Variants in SESTD1 observed in about 807,000 individuals in gnomAD.
SESTD1 encodes SEC14 domain and spectrin repeat-containing protein 1.
Under a neutral mutation model 101.7 loss-of-function variants are expected in SESTD1, and 43 were observed. The observed-to-expected ratio is 0.42, with a 90% CI of 0.33 to 0.55. SESTD1 has a LOEUF of 0.55. Ranked by LOEUF, SESTD1 falls within the 20% of genes least tolerant of loss-of-function variation. SESTD1 has a pLI of 0.07. For synonymous variants in SESTD1, 283 were observed against 286.8 expected (o/e 0.99, Z 0.13); for missense variants, 647 against 815.1 (o/e 0.79, Z 2.51).
chr2:179,229,583 G>C (rs2046947174), intron 1 of SESTD1, among the ~76,000 whole-genome samples: 1 of 151,532 alleles, frequency 6.6e-6, no homozygotes, highest in Non-Finnish European at 1.5e-5. Flanking sequence ...CCATCCTTTT[G>C]TTTCTATTTC....
chr2:179,246,254 C>CAAAAAAAA (rs60185738), intron 1 of SESTD1, among the ~76,000 whole-genome samples: 3 of 73,694 alleles, frequency 4.1e-5, no homozygotes, highest in Admixed American at 1.9e-4. Flanking sequence ...GACTCCATCT[C>CAAAAAAAA]AAAAAAAAAA....
chr2:179,230,034 T>G (rs1471816608), intron 1 of SESTD1, among the ~76,000 whole-genome samples: 1 of 144,856 alleles, frequency 6.9e-6, no homozygotes, highest in African/African-American at 2.5e-5. Flanking sequence ...TTAGGACAAT[T>G]AAGCTAATGA....
At chr2:179,209,893 C>CA (rs1559144805) in intron 1 of SESTD1, among the ~76,000 whole-genome samples, 2 of 130,360 alleles carry the variant, frequency 1.5e-5, no homozygotes, top group East Asian at 2.0e-4. Context: ...GAAACAACAA[C>CA]AAAAAAAGAT....
At chr2:179,122,228 T>G (rs575681950) in intron 12 of SESTD1, among the ~76,000 whole-genome samples, 182 of 152,332 alleles carry the variant, frequency 1.2e-3, no homozygotes, top group African/African-American at 4.3e-3. Flanking sequence ...AAGAAAAATA[T>G]GAAAATTCCT....
chr2:179,123,707 C>G lies in SESTD1; in HGVS notation c.1282+8G>C. 1.3e-6 allele frequency: 2 copies of G among 1,573,112 alleles called. No individual in the cohort carries two copies. The highest frequency in any genetic ancestry group is 1.7e-6 in the Non-Finnish European group (2 of 1,152,000). On this transcript the variant is annotated splice_region_variant and intron_variant, in intron 12 of 17. Coordinates refer to ENST00000428443, the MANE Select transcript of SESTD1 (RefSeq NM_178123.5). ...CCTTATGTTTCAGCATTTTTAAAAT[C>G]TGCTTACCAACACTTTTCAGCTTCT...
chr2:179,164,027 A>G (rs2045790302), intron 5 of SESTD1, among the ~76,000 whole-genome samples: 1 of 152,170 alleles, frequency 6.6e-6, no homozygotes, highest in African/African-American at 2.4e-5. Flanking sequence ...ACTATTGCTA[A>G]GAATGTGCGT....
chr2:179,182,699 C>T (rs2105485979), intron 3 of SESTD1, among the ~76,000 whole-genome samples: 1 of 152,196 alleles, frequency 6.6e-6, no homozygotes, highest in East Asian at 1.9e-4. Context: ...TAATAGACTT[C>T]ACTCACTTAA....
At chr2:179,152,300 T>A (rs2045546119) in intron 5 of SESTD1, among the ~76,000 whole-genome samples, 1 of 152,300 alleles carries the variant, frequency 6.6e-6, no homozygotes, top group South Asian at 2.1e-4. Context: ...TAGTTTGAAG[T>A]TGAAGAGAAG....
At chr2:179,153,644 A>G (rs1209368977) in intron 5 of SESTD1, among the ~76,000 whole-genome samples, 1 of 152,152 alleles carries the variant, frequency 6.6e-6, no homozygotes, top group African/African-American at 2.4e-5. Flanking sequence ...CATAAAAAAG[A>G]ATCAGGTTTT....
intron 9 of SESTD1, among the ~76,000 whole-genome samples, chr2:179,139,545 G>A (rs574473181): frequency 1.3e-5 from 2 of 152,270 alleles, no homozygotes; most frequent in South Asian, 2.1e-4. Context: ...CATGGACCCT[G>A]TTTCAAGATT....
At chr2:179,167,952 G>C (rs2045864944) in intron 5 of SESTD1, among the ~76,000 whole-genome samples, 1 of 151,962 alleles carries the variant, frequency 6.6e-6, no homozygotes, top group African/African-American at 2.4e-5. Context: ...TAGTAGACAC[G>C]GGGTTTCACC....
At chr2:179,230,111 C>CTTTTTTTTTT (rs1559153333) in intron 1 of SESTD1, among the ~76,000 whole-genome samples, 1 of 80,356 alleles carries the variant, frequency 1.2e-5, no homozygotes. Flanking sequence ...TGGATTGTAT[C>CTTTTTTTTTT]TCTTTTTTTT....
intron 1 of SESTD1, among the ~76,000 whole-genome samples, chr2:179,253,298 A>T (rs1017162833): frequency 6.6e-6 from 1 of 152,218 alleles, no homozygotes; most frequent in East Asian, 1.9e-4. Context: ...ACTAAATGCA[A>T]TCTTGTTTTC....
At chr2:179,167,738 A>G (rs939455669) in intron 5 of SESTD1, among the ~76,000 whole-genome samples, 1 of 152,152 alleles carries the variant, frequency 6.6e-6, no homozygotes, top group African/African-American at 2.4e-5. Flanking sequence ...GCAATGAGAC[A>G]GCACTTTTAA....
rs1040308298 is a variant in SESTD1 at position 179,211,646 on chromosome 2, C to A, written c.-25-19780G>T. Among the ~76,000 whole-genome samples the A allele has an allele frequency of 3.7e-5, 5 of 134,252 alleles. 1 individual carries two copies. Among genetic ancestry groups the A allele is most frequent in the Non-Finnish European group, 8.0e-5 (5 of 62,536 alleles). The allele number at this position is 134,252 out of a possible 152,430, so 88.1% of individuals were successfully genotyped here. A position where few individuals can be genotyped will look rare whatever the true frequency, so the allele number is the denominator to read the frequency against. ...ACACACACATGCACACACACACACACAAACACATCATGGAATACTACTCTT... is the reference window on the plus strand; with the variant it reads ...ACACACACATGCACACACACACACAAAAACACATCATGGAATACTACTCTT... On this transcript the variant is annotated intron_variant, in intron 1 of 17. Transcript: ENST00000428443.
chr2:179,210,668 T>C lies in SESTD1; in HGVS notation c.-25-18802A>G, dbSNP rs183838072. On this transcript the variant is annotated intron_variant, in intron 1 of 17. Coordinates refer to ENST00000428443, the MANE Select transcript of SESTD1 (RefSeq NM_178123.5). ...ATTAAAACCCTCAGCAAAATCAGCA[T>C]AGAACAGACATATCTTAAGGTAATA... 2.2e-4 allele frequency among the ~76,000 whole-genome samples: 30 copies of C among 135,006 alleles called. 1 individual carries two copies. The East Asian group carries it at 4.4e-3, about 20-fold the overall frequency. The allele number at this position is 135,006 out of a possible 152,430, so 88.6% of individuals were successfully genotyped here.
In SESTD1 at chr2:179,109,843, G is replaced by GT; in HGVS notation, c.*55dup. The GT allele has an allele frequency of 6.3e-7, 1 of 1,598,198 alleles. No homozygotes were observed. On this transcript the variant is annotated 3_prime_UTR_variant, in exon 18 of 18. Transcript: ENST00000428443. ...TTAAGGTGTGGTGGCTAATGCTGTAGTATGTTGACAACATGCGGGATTATG... is the reference window on the plus strand; with the variant it reads ...TTAAGGTGTGGTGGCTAATGCTGTAGTTATGTTGACAACATGCGGGATTATG...
chr2:179,206,088 A>C (rs2105513412), intron 1 of SESTD1, among the ~76,000 whole-genome samples: 1 of 135,132 alleles, frequency 7.4e-6, no homozygotes, highest in South Asian at 2.8e-4. Flanking sequence ...TACAACCAAC[A>C]CCACCACCAC....
At chr2:179,200,637 T>C (rs190252324) in intron 1 of SESTD1, among the ~76,000 whole-genome samples, 4,128 of 151,184 alleles carry the variant, frequency 0.027, 80 homozygotes, top group Admixed American at 0.034. Flanking sequence ...AACTATCTGA[T>C]CTTTGACAAA....
Sources: gnomAD v4.1 joint callset for allele counts (sites outside exome capture counted in the v4.1 genomes callset) on GRCh38, gnomAD v4.1.1 for gene constraint, MANE v1.5 for transcripts, NCBI Gene and HGNC (gene_info 2026-07-23, HGNC 2026-07-21) for gene names.